The following HAVCR1 variants were observed in gnomAD, a reference collection of about 807,000 sequenced individuals.
The protein encoded by HAVCR1 is T cell immunoglobin domain and mucin domain protein 1.
A neutral mutation model predicts 32.0 loss-of-function variants in HAVCR1; 34 were observed. The ratio of observed to expected loss-of-function variants is 1.06; its 90% confidence interval spans 0.81 to 1.42. HAVCR1 has a LOEUF of 1.42. HAVCR1 is among the 40% of genes most tolerant of loss of function. The pLI is 0.00. For synonymous variants in HAVCR1, 178 were observed against 170.3 expected (o/e 1.05, Z -0.35); for missense variants, 420 against 442.3 (o/e 0.95, Z 0.45).
chr5:157,056,975 G>A (rs1229581900), intron 2 of HAVCR1, among the ~76,000 whole-genome samples: 1 of 152,078 alleles, frequency 6.6e-6, no homozygotes, highest in Non-Finnish European at 1.5e-5. Context: ...GGAGACTGAG[G>A]TGGGAGAATC....
At chr5:157,033,550 G>A (rs1037899160) in intron 7 of HAVCR1, among the ~76,000 whole-genome samples, 1 of 115,994 alleles carries the variant, frequency 8.6e-6, no homozygotes, top group Admixed American at 1.3e-4. Context: ...CAGATATCTC[G>A]ATATCTCATC....
chr5:157,039,502 C>A (rs1754736043), intron 6 of HAVCR1, among the ~76,000 whole-genome samples: 1 of 152,072 alleles, frequency 6.6e-6, no homozygotes, highest in Admixed American at 6.6e-5. Flanking sequence ...GCACCCGCCA[C>A]CACACCCAGC....
At chr5:157,031,598 C>T (rs1045737967) in intron 8 of HAVCR1, among the ~76,000 whole-genome samples, 9 of 151,962 alleles carry the variant, frequency 5.9e-5, no homozygotes, top group Non-Finnish European at 8.8e-5. Flanking sequence ...CCAAGGTAGG[C>T]GGATCACCTG....
upstream of HAVCR1, among the ~76,000 whole-genome samples, chr5:157,062,763 C>CT (rs1179316380): frequency 2.6e-5 from 4 of 152,080 alleles, no homozygotes; most frequent in South Asian, 2.1e-4. Context: ...TATAATGCTT[C>CT]TTTTTTTTAT....
intron 5 of HAVCR1, among the ~76,000 whole-genome samples, chr5:157,043,283 G>A (rs562408465): frequency 9.9e-5 from 15 of 152,278 alleles, no homozygotes; most frequent in Admixed American, 5.9e-4. Flanking sequence ...TAAGGATTAA[G>A]ATTTTATGTA....
intron 8 of HAVCR1, 138 bp downstream of exon 8, chr5:157,032,716 A>C: frequency 1.5e-6 from 1 of 658,786 alleles, no homozygotes; most frequent in Middle Eastern, 2.4e-4. Flanking sequence ...GAAGGTGTAA[A>C]TAATAGAATT....
chr5:157,029,688 C>A lies in HAVCR1; in HGVS notation c.*45G>T. The A allele has an allele frequency of 6.2e-7, 1 of 1,611,462 alleles. No individual in the cohort carries two copies. Among genetic ancestry groups the A allele is most frequent in the Non-Finnish European group, 8.5e-7 (1 of 1,179,668 alleles). Reference sequence around the variant, plus strand: ...TCTGATGTGCTGATGTCTGTTCAGTCTTCTGCACTCATGGGCGTAAACTCT... The same window carrying A: ...TCTGATGTGCTGATGTCTGTTCAGTATTCTGCACTCATGGGCGTAAACTCT... On this transcript the variant is annotated 3_prime_UTR_variant, in exon 9 of 9. Coordinates refer to ENST00000523175, the MANE Select transcript of HAVCR1 (RefSeq NM_001173393.3).
chr5:157,031,880 G>C (rs1754195111), intron 8 of HAVCR1, among the ~76,000 whole-genome samples: 1 of 151,738 alleles, frequency 6.6e-6, no homozygotes, highest in Admixed American at 6.6e-5. Flanking sequence ...TGCAAGGCTA[G>C]ACAGCTAATA....
At chr5:157,057,366 G>A (rs1756222843) in intron 2 of HAVCR1, among the ~76,000 whole-genome samples, 1 of 134,788 alleles carries the variant, frequency 7.4e-6, no homozygotes, top group Non-Finnish European at 1.5e-5. Flanking sequence ...CTCATGAAGA[G>A]AGAGAGAGAG....
At chr5:157,030,281 C>T (rs1418161080) in intron 8 of HAVCR1, among the ~76,000 whole-genome samples, 1 of 152,148 alleles carries the variant, frequency 6.6e-6, no homozygotes, top group East Asian at 1.9e-4. Context: ...TAGCCATCTA[C>T]ATCCTATATT....
chr5:157,031,481 G>A (rs755781180), intron 8 of HAVCR1, among the ~76,000 whole-genome samples: 2 of 152,164 alleles, frequency 1.3e-5, no homozygotes, highest in Non-Finnish European at 2.9e-5. Flanking sequence ...TACCACTACA[G>A]GCAGTGTGGC....
At chr5:157,065,500 C>T in the HAVCR1 span, among the ~76,000 whole-genome samples, 2 of 152,184 alleles carry the variant, frequency 1.3e-5, no homozygotes, top group Admixed American at 6.6e-5. Context: ...AGGCTGATAA[C>T]TTAAGGTCAG....
intron 2 of HAVCR1, among the ~76,000 whole-genome samples, chr5:157,057,367 A>G (rs1471822899): frequency 4.4e-5 from 6 of 136,160 alleles, no homozygotes; most frequent in Non-Finnish European, 9.5e-5. Context: ...TCATGAAGAG[A>G]GAGAGAGAGA....
the HAVCR1 span, among the ~76,000 whole-genome samples, chr5:157,066,630 T>G: frequency 6.6e-6 from 1 of 151,678 alleles, no homozygotes; most frequent in Non-Finnish European, 1.5e-5. Context: ...AAGGGAAAAT[T>G]TGCTGGGGCA....
At chr5:157,041,015 C>A (rs34615648) in intron 6 of HAVCR1, among the ~76,000 whole-genome samples, 9,226 of 152,214 alleles carry the variant, frequency 0.061, 714 homozygotes, top group African/African-American at 0.18. Flanking sequence ...TACTAAAAGG[C>A]AGATTGTTTC....
At chr5:157,031,008 G>GTTT (rs67848014) in intron 8 of HAVCR1, among the ~76,000 whole-genome samples, 4,293 of 144,976 alleles carry the variant, frequency 0.03, 187 homozygotes, top group African/African-American at 0.1. Context: ...GTTAGTGTGG[G>GTTT]TTTTTTTTTT....
chr5:157,048,588 TG>T (rs1755545714), intron 5 of HAVCR1, among the ~76,000 whole-genome samples: 1 of 152,114 alleles, frequency 6.6e-6, no homozygotes, highest in Non-Finnish European at 1.5e-5. Flanking sequence ...CCCAGCACTT[TG>T]GGAGGTGGAG....
In HAVCR1 at chr5:157,042,701, A is replaced by T. The variant is rs751743308; in HGVS notation, c.782-19T>A. ...TTCCCATCTACTCAACAAGAAGGAA[A>T]TTTAATTAGAATTACAAAAAATATT... is the stretch of plus-strand genomic sequence containing the variant. On this transcript the variant is annotated intron_variant, in intron 5 of 8. Transcript: ENST00000523175. The T allele has an allele frequency of 1.4e-6, 2 of 1,462,368 alleles. No individual in the cohort carries two copies. The highest frequency in any genetic ancestry group is 2.8e-5 in the African/African-American group (2 of 71,728). 90.6% of individuals were successfully genotyped at this position (1,462,368 alleles called of 1,614,324 possible). A position where few individuals can be genotyped will look rare whatever the true frequency, so the allele number is the denominator to read the frequency against.
chr5:157,051,154 T>C (rs1755713357), intron 4 of HAVCR1, among the ~76,000 whole-genome samples: 1 of 152,204 alleles, frequency 6.6e-6, no homozygotes, highest in South Asian at 2.1e-4. Context: ...ATCTAATGTC[T>C]TATTTACAGG....
Sources: allele counts gnomAD v4.1 joint callset (sites outside exome capture counted in the v4.1 genomes callset), GRCh38; gene constraint gnomAD v4.1.1; transcripts MANE v1.5; gene names NCBI Gene and HGNC (gene_info 2026-07-23, HGNC 2026-07-21).